Variants in PDE1A observed in about 807,000 individuals in gnomAD.
PDE1A encodes dual specificity calcium/calmodulin-dependent 3',5'-cyclic nucleotide phosphodiesterase 1A.
PDE1A carries 35 observed loss-of-function variants against 61.7 expected under a neutral mutation model. The observed-to-expected ratio is 0.57, with a 90% CI of 0.43 to 0.75. The LOEUF (loss-of-function observed/expected upper bound fraction) is 0.75, where lower values mean the gene tolerates loss of function less well. Ranked by LOEUF, PDE1A falls within the 30% of genes least tolerant of loss-of-function variation. The pLI, the probability that PDE1A is intolerant of heterozygous loss-of-function variation, is 0.00. For synonymous variants in PDE1A, 232 were observed against 213.2 expected, an observed-to-expected ratio of 1.09 and a Z score of -0.77; for missense variants, 597 against 630.6, an observed-to-expected ratio of 0.95 and a Z score of 0.57.
intron 13 of PDE1A, among the ~76,000 whole-genome samples, chr2:182,171,077 AT>A (rs1010323781): frequency 1.3e-5 from 2 of 151,912 alleles, no homozygotes; most frequent in Non-Finnish European, 2.9e-5. Context: ...ACCTATTCCC[AT>A]TTTTTTGTTT....
chr2:182,254,221 G>C (rs1300306693), intron 2 of PDE1A, among the ~76,000 whole-genome samples: 1 of 152,056 alleles, frequency 6.6e-6, no homozygotes, highest in Admixed American at 6.6e-5. Context: ...CAGATGGACA[G>C]AAAATAGGAA....
At chr2:182,673,089 A>C in the PDE1A span, among the ~76,000 whole-genome samples, 1 of 152,328 alleles carries the variant, frequency 6.6e-6, no homozygotes, top group South Asian at 2.1e-4. Flanking sequence ...AAGGGTCCTC[A>C]CATGTTTTTG....
At chr2:182,492,923 TAC>T (rs1358267080) in intron 2 of PDE1A, among the ~76,000 whole-genome samples, 1 of 152,186 alleles carries the variant, frequency 6.6e-6, no homozygotes, top group Non-Finnish European at 1.5e-5. Context: ...TGTGGGGAAC[TAC>T]ACAGTTTCCA....
chr2:182,387,486 G>C (rs1222203835), intron 1 of PDE1A, among the ~76,000 whole-genome samples: 1 of 152,070 alleles, frequency 6.6e-6, no homozygotes, highest in African/African-American at 2.4e-5. Flanking sequence ...GGTTGGGTGT[G>C]GTGGCTCACG....
intron 1 of PDE1A, among the ~76,000 whole-genome samples, chr2:182,330,759 G>T (rs1574369150): frequency 6.6e-6 from 1 of 152,152 alleles, no homozygotes; most frequent in South Asian, 2.1e-4. Context: ...AATATAAAAA[G>T]TTATCTTTGG....
chr2:182,347,301 T>A (rs12996836), intron 1 of PDE1A, among the ~76,000 whole-genome samples: 121 of 152,000 alleles, frequency 8.0e-4, no homozygotes, highest in African/African-American at 2.7e-3. Flanking sequence ...GAATCTGCTA[T>A]GAAGAAAGCG....
At chr2:182,487,217 A>G (rs1184567181) in intron 2 of PDE1A, among the ~76,000 whole-genome samples, 2 of 152,208 alleles carry the variant, frequency 1.3e-5, no homozygotes, top group Non-Finnish European at 2.9e-5. Flanking sequence ...ACAATGAGAT[A>G]CAATTCCACA....
the PDE1A span, among the ~76,000 whole-genome samples, chr2:182,605,985 C>T: frequency 6.6e-6 from 1 of 152,100 alleles, no homozygotes; most frequent in Non-Finnish European, 1.5e-5. Context: ...GATTTTCAGA[C>T]TTATCTCCTG....
intron 2 of PDE1A, among the ~76,000 whole-genome samples, chr2:182,452,034 C>T (rs1685561663): frequency 6.6e-6 from 1 of 151,776 alleles, no homozygotes; most frequent in African/African-American, 2.4e-5. Flanking sequence ...TAAAATATTC[C>T]ATCAAATTAT....
chr2:182,567,830 T>C, the PDE1A span, among the ~76,000 whole-genome samples: 1 of 151,078 alleles, frequency 6.6e-6, no homozygotes, highest in Non-Finnish European at 1.5e-5. Flanking sequence ...TCTTGCACTG[T>C]TGCCAGGACT....
intron 1 of PDE1A, among the ~76,000 whole-genome samples, chr2:182,336,705 C>T (rs567608636): frequency 3.3e-5 from 5 of 151,884 alleles, no homozygotes; most frequent in African/African-American, 7.3e-5. Flanking sequence ...CACCATGGCA[C>T]GTGTATACCT....
chr2:182,192,192 G>A (rs1005241603), intron 10 of PDE1A, among the ~76,000 whole-genome samples: 10 of 151,964 alleles, frequency 6.6e-5, no homozygotes, highest in African/African-American at 1.7e-4. Context: ...ATGTTGAATG[G>A]CAACATATTT....
the PDE1A span, among the ~76,000 whole-genome samples, chr2:182,589,663 T>C: frequency 1.3e-5 from 2 of 152,210 alleles, no homozygotes; most frequent in East Asian, 1.9e-4. Context: ...AACGAGTACA[T>C]CAGGCTAAAG....
At chr2:182,636,346 T>G in the PDE1A span, among the ~76,000 whole-genome samples, 3 of 151,816 alleles carry the variant, frequency 2.0e-5, no homozygotes, top group Non-Finnish European at 4.4e-5. Context: ...TTCACTGGGG[T>G]TTTTTTTCTT....
rs577178310 is a variant in PDE1A, at chr2:182,156,547, T to C, written c.1517-9395A>G. Among the ~76,000 whole-genome samples the C allele has an allele frequency of 1.6e-4, 24 of 152,286 alleles. No individual in the cohort carries two copies. In the South Asian group the frequency reaches 4.8e-3, roughly 30 times the overall value. On this transcript the variant is annotated intron_variant, in intron 13 of 13. Coordinates refer to the PDE1A transcript ENST00000409365. ...CATCTGGAAAAGCACAACAGTGAAG[T>C]TTCCAGTTGGGAAATGTGGAGTAAA...
At chr2:182,582,681 C>T in the PDE1A span, among the ~76,000 whole-genome samples, 37 of 152,116 alleles carry the variant, frequency 2.4e-4, no homozygotes, top group Non-Finnish European at 4.4e-4. Context: ...CCTAGTGGGG[C>T]TAAGGTCTAT....
chr2:182,242,920 C>CG (rs1314912589), intron 2 of PDE1A, among the ~76,000 whole-genome samples: 101 of 45,088 alleles, frequency 2.2e-3, no homozygotes, highest in African/African-American at 8.6e-3. Context: ...CTCTCTCTCT[C>CG]TCTCTCGTGT....
intron 2 of PDE1A, among the ~76,000 whole-genome samples, chr2:182,435,066 T>G (rs1704142463): frequency 1.3e-5 from 2 of 151,950 alleles, no homozygotes; most frequent in South Asian, 4.1e-4. Flanking sequence ...TGGCTCCAAT[T>G]AGCACTCCCA....
At chr2:182,636,150 G>A in the PDE1A span, among the ~76,000 whole-genome samples, 11 of 151,716 alleles carry the variant, frequency 7.3e-5, no homozygotes, top group African/African-American at 2.7e-4. Context: ...AGTAGAGAAG[G>A]TGTTTCACCG....
Sources: allele counts gnomAD v4.1 joint callset (sites outside exome capture counted in the v4.1 genomes callset), GRCh38; gene constraint gnomAD v4.1.1; transcripts MANE v1.5; gene names NCBI Gene and HGNC (gene_info 2026-07-23, HGNC 2026-07-21).